The following PDE1C variants were observed in gnomAD, a reference collection of about 807,000 sequenced individuals.
The protein encoded by PDE1C is dual specificity calcium/calmodulin-dependent 3',5'-cyclic nucleotide phosphodiesterase 1C.
Under a neutral mutation model 93.1 loss-of-function variants are expected in PDE1C, and 62 were observed. The ratio of observed to expected loss-of-function variants is 0.67; its 90% CI spans 0.54 to 0.82. The LOEUF (loss-of-function observed/expected upper bound fraction) is 0.82, where lower values mean the gene tolerates loss of function less well. Among genes scored for constraint, PDE1C ranks in the 40% least tolerant of loss-of-function variants. The pLI is 0.00. For missense variants in PDE1C, 742 were observed against 884.6 expected (o/e 0.84, Z 2.04); for synonymous variants, 325 against 310.1 (o/e 1.05, Z -0.50).
intron 1 of PDE1C, among the ~76,000 whole-genome samples, chr7:32,331,724 C>T (rs1157257207): frequency 6.6e-6 from 1 of 152,134 alleles, no homozygotes; most frequent in African/African-American, 2.4e-5. Context: ...CTTAGTCGTA[C>T]TTGAGAAGTG....
At chr7:31,930,691 A>G (rs1276751025) in intron 2 of PDE1C, among the ~76,000 whole-genome samples, 4 of 151,422 alleles carry the variant, frequency 2.6e-5, no homozygotes, top group African/African-American at 7.3e-5. Flanking sequence ...ATACAAAATA[A>G]TAATAATAAT....
At chr7:32,107,700 T>A (rs1798400739) in intron 3 of PDE1C, among the ~76,000 whole-genome samples, 1 of 152,072 alleles carries the variant, frequency 6.6e-6, no homozygotes, top group South Asian at 2.1e-4. Context: ...CAAACTCAGA[T>A]CTACATAAGG....
At chr7:31,847,276 A>G (rs1007085954) in intron 9 of PDE1C, among the ~76,000 whole-genome samples, 2 of 152,180 alleles carry the variant, frequency 1.3e-5, no homozygotes, top group African/African-American at 4.8e-5. Context: ...AAAGATATTG[A>G]GTCACTTCCC....
intron 2 of PDE1C, among the ~76,000 whole-genome samples, chr7:31,917,337 C>G: frequency 6.6e-6 from 1 of 152,054 alleles, no homozygotes. Flanking sequence ...TTTCGAGGGC[C>G]CTTCAAGATT....
At chr7:32,253,717 T>C (rs568442266) in intron 1 of PDE1C, among the ~76,000 whole-genome samples, 5 of 152,116 alleles carry the variant, frequency 3.3e-5, no homozygotes, top group East Asian at 3.9e-4. Flanking sequence ...GTTACAGACA[T>C]GGGGAGATGA....
chr7:32,217,710 G>A (rs1038095489), intron 1 of PDE1C, among the ~76,000 whole-genome samples: 2 of 152,162 alleles, frequency 1.3e-5, no homozygotes, highest in African/African-American at 4.8e-5. Context: ...AGGTTAAATG[G>A]AACATAAAAG....
chr7:32,336,823 A>T (rs1037281504), intron 1 of PDE1C, among the ~76,000 whole-genome samples: 1 of 152,226 alleles, frequency 6.6e-6, no homozygotes, highest in Non-Finnish European at 1.5e-5. Flanking sequence ...AGGAGAAAAG[A>T]GAATTCCCTA....
In PDE1C at chr7:31,886,947, C is replaced by T. The variant is rs540877002; in HGVS notation, c.129-6087G>A. ...ACCACAGTAGACTTAGAATCTCAAG[C>T]TAAAGAAATGTAATTTTCTCCTGGA... On this transcript the variant is annotated intron_variant, in intron 2 of 17. Transcript: ENST00000396191. Among the ~76,000 whole-genome samples the T allele has an allele frequency of 2.7e-5, 3 of 111,324 alleles. No homozygotes were observed. The East Asian group carries it at 7.6e-4, about 28-fold the overall frequency. The allele number at this position is 111,324 out of a possible 152,430, so 73.0% of individuals were successfully genotyped here. A position where few individuals can be genotyped will look rare whatever the true frequency, so the allele number is the denominator to read the frequency against.
intron 3 of PDE1C, among the ~76,000 whole-genome samples, chr7:32,151,625 G>T (rs532817500): frequency 3.9e-5 from 6 of 152,272 alleles, no homozygotes; most frequent in African/African-American, 4.8e-5. Flanking sequence ...CTAAGTAAAA[G>T]ACACCAGATT....
chr7:32,070,802 G>T, upstream of PDE1C: 1 of 994,066 alleles, frequency 1.0e-6, no homozygotes, highest in Middle Eastern at 5.1e-4. Flanking sequence ...AGGAGGGCTG[G>T]GTGGGGAGGA....
the PDE1C span, chr7:31,642,225 C>G: frequency 6.4e-7 from 1 of 1,558,264 alleles, no homozygotes; most frequent in Non-Finnish European, 8.7e-7. Flanking sequence ...GCAGCGGGTT[C>G]CTGGAGGAGC....
the PDE1C span, among the ~76,000 whole-genome samples, chr7:31,685,421 T>C: frequency 3.6e-4 from 55 of 152,358 alleles, no homozygotes; most frequent in African/African-American, 1.3e-3. Flanking sequence ...TGCTTACGTA[T>C]AGGAGATCTC....
intron 1 of PDE1C, among the ~76,000 whole-genome samples, chr7:32,401,362 C>T (rs901617915): frequency 3.3e-5 from 5 of 152,146 alleles, no homozygotes; most frequent in African/African-American, 1.2e-4. Flanking sequence ...CACAGTGAAA[C>T]CCCGTCTCTA....
At chr7:31,619,530 A>T in the PDE1C span, among the ~76,000 whole-genome samples, 1 of 91,198 alleles carries the variant, frequency 1.1e-5, no homozygotes, top group African/African-American at 3.8e-5. Flanking sequence ...TTTATTTTCA[A>T]TCTCCAAAAT....
chr7:32,242,078 A>T (rs1200804442), intron 1 of PDE1C, among the ~76,000 whole-genome samples: 1 of 152,224 alleles, frequency 6.6e-6, no homozygotes, highest in Non-Finnish European at 1.5e-5. Flanking sequence ...GCCAGATAGC[A>T]CAAGGATCCA....
rs3079653 is a variant in PDE1C, at chr7:32,383,641, C to CTGGATGGA, written c.310+44173_310+44180dup. Among the ~76,000 whole-genome samples, 280 of 151,054 alleles carry CTGGATGGA rather than the reference C, an allele frequency of 1.9e-3. 4 individuals carry two copies. The highest frequency in any genetic ancestry group is 3.9e-3 in the East Asian group (20 of 5,118). ...GCCTGATATAATAATTATCAGAATGCTGGATGGATGGATGGATGGATGGAT... is the reference window on the plus strand; with the variant it reads ...GCCTGATATAATAATTATCAGAATGCTGGATGGATGGATGGATGGATGGATGGATGGAT... On this transcript the variant is annotated intron_variant, in intron 1 of 1. Coordinates refer to the PDE1C transcript ENST00000672256.
At chr7:32,420,076 T>G (rs1785361733) in intron 1 of PDE1C, among the ~76,000 whole-genome samples, 1 of 115,374 alleles carries the variant, frequency 8.7e-6, no homozygotes, top group Non-Finnish European at 1.7e-5. Context: ...AATACAAAAA[T>G]AGCCAGGTGT....
chr7:32,181,135 C>A (rs1051566874), intron 2 of PDE1C, among the ~76,000 whole-genome samples: 2 of 152,112 alleles, frequency 1.3e-5, no homozygotes, highest in Non-Finnish European at 2.9e-5. Flanking sequence ...CAGGAGCACC[C>A]AGATTCATAA....
chr7:32,287,590 G>A (rs1007499147), intron 1 of PDE1C, among the ~76,000 whole-genome samples: 12 of 152,306 alleles, frequency 7.9e-5, no homozygotes, highest in Non-Finnish European at 1.5e-4. Flanking sequence ...TAACACAATC[G>A]CTGCCATAAA....
Sources: gnomAD v4.1 joint callset for allele counts (sites outside exome capture counted in the v4.1 genomes callset) on GRCh38, gnomAD v4.1.1 for gene constraint, MANE v1.5 for transcripts, NCBI Gene and HGNC (gene_info 2026-07-23, HGNC 2026-07-21) for gene names.